ADGRV1: variants seen among roughly 807,000 people sequenced by gnomAD.
ADGRV1 encodes the protein adhesion G protein-coupled receptor V1, also known as G-protein coupled receptor 98.
Under a neutral mutation model 596.2 loss-of-function variants are expected in ADGRV1, and 359 were observed. The ratio of observed to expected loss-of-function variants is 0.60; its 90% CI spans 0.55 to 0.66. The LOEUF is 0.66. Among genes scored for constraint, ADGRV1 ranks in the 30% least tolerant of loss-of-function variants. The probability of loss-of-function intolerance (pLI) is 0.00; values close to 1 mark genes in which losing one functional copy is unlikely to be tolerated. For missense variants in ADGRV1, 7,274 were observed against 7,575.6 expected, an observed-to-expected ratio of 0.96 and a Z score of 1.48; for synonymous variants, 2,681 against 2,679.2, an observed-to-expected ratio of 1.00 and a Z score of -0.02.
rs1744682665 is a variant in ADGRV1, at chr5:90,679,641, T to G, written c.5524+12T>G. 1 of 1,597,802 alleles carries G rather than the reference T, an allele frequency of 6.3e-7. No homozygotes were observed. The highest frequency in any genetic ancestry group is 1.7e-5 in the Admixed American group (1 of 59,836). Reference sequence around the variant, plus strand: ...TATTCACAAACGTGGTAAGCAGTTTTTCCAAGGTCCTTTACTATTATAGGT... The same window carrying G: ...TATTCACAAACGTGGTAAGCAGTTTGTCCAAGGTCCTTTACTATTATAGGT... On this transcript the variant is annotated intron_variant, in intron 26 of 89. Coordinates refer to ENST00000405460, the MANE Select transcript of ADGRV1 (RefSeq NM_032119.4).
At chr5:90,673,178 A>G (rs1299110252) in intron 22 of ADGRV1, among the ~76,000 whole-genome samples, 4 of 151,960 alleles carry the variant, frequency 2.6e-5, no homozygotes, top group Non-Finnish European at 5.9e-5. Context: ...CTTGTGCTGG[A>G]CTCCTAAGGC....
At chr5:90,980,970 T>G (rs1252013765) in intron 84 of ADGRV1, among the ~76,000 whole-genome samples, 2 of 152,228 alleles carry the variant, frequency 1.3e-5, no homozygotes, top group Non-Finnish European at 2.9e-5. Flanking sequence ...TTGGTTACTC[T>G]CTGTGAGATG....
At chr5:90,723,659 G>A (rs923133568) in intron 45 of ADGRV1, among the ~76,000 whole-genome samples, 1 of 152,048 alleles carries the variant, frequency 6.6e-6, no homozygotes, top group Non-Finnish European at 1.5e-5. Flanking sequence ...TTAAAATGCT[G>A]GATTTTTAGG....
Position 90,704,398 on chromosome 5 carries a change from A to G in ADGRV1, c.8296A>G (p.Asn2766Asp), listed in dbSNP as rs2149687488. Residue 2766 changes from asparagine (N) to aspartate (D), a missense_variant, in exon 36 of 90, where the codon AAT (asparagine) becomes GAT (aspartate). Physicochemically the swap from Asn to Asp is conservative, Grantham distance 23. Around this residue, in one of 5 missense-constraint regions of ADGRV1, gnomAD observed 3,643 missense variants for 3,809.2 expected, o/e 0.96. Transcript: ENST00000405460. Reference sequence around the variant, plus strand: ...TTTCTGTATGACATAGGGGTCGTTGAATACAACATTGTTTGTGCATTTGTT... The same window carrying G: ...TTTCTGTATGACATAGGGGTCGTTGGATACAACATTGTTTGTGCATTTGTT... The part of the protein sequence containing the change: ...GQLFFPEGSL[N>D]TTLFVHLLDD... 6.4e-7 allele frequency: 1 copy of G among 1,569,590 alleles called. No homozygotes were observed. The highest frequency in any genetic ancestry group is 8.7e-7 in the Non-Finnish European group (1 of 1,154,710).
chr5:90,784,493 A>C (rs1759207059), intron 67 of ADGRV1, among the ~76,000 whole-genome samples: 1 of 152,180 alleles, frequency 6.6e-6, no homozygotes, highest in South Asian at 2.1e-4. Flanking sequence ...TAAAATTGGG[A>C]GACACAATTG....
At chr5:90,898,836 T>C (rs1037559746) in intron 83 of ADGRV1, among the ~76,000 whole-genome samples, 13 of 151,926 alleles carry the variant, frequency 8.6e-5, no homozygotes, top group Non-Finnish European at 1.9e-4. Flanking sequence ...ATCCCATCTA[T>C]TCAGGAGGCT....
chr5:90,811,008 G>A lies in ADGRV1; in HGVS notation c.15748G>A (p.Gly5250Arg). 1 of 1,614,006 alleles carries A rather than the reference G, an allele frequency of 6.2e-7. No individual in the cohort carries two copies. The highest frequency in any genetic ancestry group is 8.5e-7 in the Non-Finnish European group (1 of 1,179,904). Reference sequence around the variant, plus strand: ...AGAAGTTCTTATCCGAAGAACTGGTGGGTTTACTGGCAATGTCAGCATAAC... The same window carrying A: ...AGAAGTTCTTATCCGAAGAACTGGTAGGTTTACTGGCAATGTCAGCATAAC... ...TAEVLIRRTG[G>R]FTGNVSITVK... The change falls in exon 74 of 90, where the codon GGG (glycine) becomes AGG (arginine). Residue 5250 changes from glycine to arginine, a missense_variant. Coordinates refer to ENST00000405460, the MANE Select transcript of ADGRV1 (RefSeq NM_032119.4).
chr5:91,083,807 C>T (rs892402515), intron 86 of ADGRV1, among the ~76,000 whole-genome samples: 20 of 152,158 alleles, frequency 1.3e-4, no homozygotes, highest in African/African-American at 4.8e-4. Context: ...GTGGCATGCA[C>T]ATATAGTCCC....
rs778190699 is a variant in ADGRV1, at chr5:90,699,122, CT to C, written c.8155+1980del. On this transcript the variant is annotated intron_variant, in intron 34 of 89. Coordinates refer to ENST00000405460, the MANE Select transcript of ADGRV1 (RefSeq NM_032119.4). ...GTCTGTGACAAGAGGATTGGAAACT[CT>C]TTTAACAATTTCACTTTGCTGTGAT... 3.0e-4 allele frequency among the ~76,000 whole-genome samples: 46 copies of C among 152,236 alleles called. 1 individual carries two copies. Among genetic ancestry groups the C allele is most frequent in the Admixed American group, 2.0e-4 (3 of 15,282 alleles).
At chr5:90,939,577 A>T (rs1398164086) in intron 83 of ADGRV1, among the ~76,000 whole-genome samples, 1 of 152,220 alleles carries the variant, frequency 6.6e-6, no homozygotes, top group African/African-American at 2.4e-5. Context: ...TGACAAGGAT[A>T]TAAAGTACTA....
At chr5:90,701,124 C>A (rs545743465) in intron 34 of ADGRV1, among the ~76,000 whole-genome samples, 2 of 152,058 alleles carry the variant, frequency 1.3e-5, no homozygotes, top group Non-Finnish European at 2.9e-5. Context: ...AGATGATCGT[C>A]CAGTTATGTA....
chr5:90,581,933 A>T (rs972600932), intron 1 of ADGRV1, among the ~76,000 whole-genome samples: 3 of 152,082 alleles, frequency 2.0e-5, no homozygotes, highest in Non-Finnish European at 1.5e-5. Flanking sequence ...TTTAATTTCA[A>T]TGTTCACCCA....
chr5:90,827,562 C>T (rs1425047390), intron 76 of ADGRV1, among the ~76,000 whole-genome samples: 1 of 152,074 alleles, frequency 6.6e-6, no homozygotes, highest in Non-Finnish European at 1.5e-5. Context: ...ATACCGAAAT[C>T]CTTAGTTAAA....
At chr5:90,855,677 A>G in intron 81 of ADGRV1, 64 bp from the exon 82 acceptor site, 1 of 1,130,798 alleles carries the variant, frequency 8.8e-7, no homozygotes, top group Non-Finnish European at 1.2e-6. Context: ...TTTTCTTTAA[A>G]AGCCATCTCA....
intron 21 of ADGRV1, among the ~76,000 whole-genome samples, chr5:90,671,974 T>C (rs982171200): frequency 5.9e-5 from 9 of 152,192 alleles, no homozygotes; most frequent in African/African-American, 1.9e-4. Context: ...GATCTGACTG[T>C]TGTTCCCACA....
In ADGRV1 at chr5:90,851,134, T is replaced by TGTGTGTGAGAGAGAGAGAGAGAGAGA. The variant is rs757909771; in HGVS notation, c.17205-2149_17205-2148insTGTGTGAGAGAGAGAGAGAGAGAGAG. On this transcript the variant is annotated intron_variant, in intron 79 of 89. Transcript: ENST00000405460. ...GTGTGTGTGTGTGTGTGTGTGTGTGTGAGAGAGAGAGAGAGAGAGAGAGAG... is the reference window on the plus strand; with the variant it reads ...GTGTGTGTGTGTGTGTGTGTGTGTGTGTGTGTGAGAGAGAGAGAGAGAGAGAGAGAGAGAGAGAGAGAGAGAGAGAG... 4.9e-5 allele frequency among the ~76,000 whole-genome samples: 4 copies of TGTGTGTGAGAGAGAGAGAGAGAGAGA among 81,506 alleles called. No individual in the cohort carries two copies. In the Admixed American group the frequency reaches 7.4e-4, roughly 15 times the overall value. 53.5% of individuals were successfully genotyped at this position (81,506 alleles called of 152,430 possible). A position where few individuals can be genotyped will look rare whatever the true frequency, so the allele number is the denominator to read the frequency against.
intron 27 of ADGRV1, 150 bp from the exon 28 acceptor site, chr5:90,683,436 G>A (rs576336213): frequency 3.2e-5 from 20 of 631,206 alleles, no homozygotes; most frequent in Non-Finnish European, 5.1e-5. Context: ...AAGATGGATA[G>A]TATATGACCC....
At chr5:90,871,144 T>A (rs536206541) in intron 83 of ADGRV1, among the ~76,000 whole-genome samples, 6 of 152,310 alleles carry the variant, frequency 3.9e-5, no homozygotes, top group African/African-American at 1.4e-4. Context: ...AATAATTATA[T>A]AAGTCATTCT....
At chr5:90,593,684 A>G (rs1179039546) in intron 1 of ADGRV1, among the ~76,000 whole-genome samples, 2 of 152,128 alleles carry the variant, frequency 1.3e-5, no homozygotes, top group Non-Finnish European at 2.9e-5. Context: ...AATCCCACCA[A>G]AAGAACTTAC....
Sources: allele counts gnomAD v4.1 joint callset (sites outside exome capture counted in the v4.1 genomes callset), GRCh38; gene constraint gnomAD v4.1.1; regional missense constraint gnomAD v4.1.1; transcripts MANE v1.5; gene names NCBI Gene and HGNC (gene_info 2026-07-23, HGNC 2026-07-21).